Variants in SRPK2 observed in about 807,000 individuals in gnomAD.
The protein encoded by SRPK2 is SFRS protein kinase 2.
Under a neutral mutation model 90.8 loss-of-function variants are expected in SRPK2, and 21 were observed. The ratio of observed to expected loss-of-function variants is 0.23; its 90% CI spans 0.16 to 0.33. SRPK2 has a LOEUF of 0.33. SRPK2 is among the 10% of genes least tolerant of loss of function. The pLI is 1.00. For missense variants in SRPK2, 620 were observed against 869.0 expected, an observed-to-expected ratio of 0.71 and a Z score of 3.60; for synonymous variants, 288 against 311.1, an observed-to-expected ratio of 0.93 and a Z score of 0.78.
At chr7:105,253,854 G>C (rs188034507) in intron 2 of SRPK2, among the ~76,000 whole-genome samples, 1 of 152,078 alleles carries the variant, frequency 6.6e-6, no homozygotes, top group Admixed American at 6.5e-5. Flanking sequence ...TGGTTGAAAA[G>C]GTAAGGTTAG....
intron 2 of SRPK2, among the ~76,000 whole-genome samples, chr7:105,298,236 T>C (rs1042559150): frequency 1.2e-4 from 19 of 152,208 alleles, no homozygotes; most frequent in African/African-American, 4.1e-4. Context: ...AGAGTCTGTA[T>C]GCTTTTGAGT....
At chr7:105,151,949 A>C (rs954690103) in intron 7 of SRPK2, among the ~76,000 whole-genome samples, 20 of 151,292 alleles carry the variant, frequency 1.3e-4, no homozygotes, top group African/African-American at 4.4e-4. Context: ...ACTTGAACCC[A>C]GAAAGCGGTG....
At chr7:105,171,401 C>A (rs1303441949) in intron 3 of SRPK2, among the ~76,000 whole-genome samples, 1 of 152,098 alleles carries the variant, frequency 6.6e-6, no homozygotes, top group South Asian at 2.1e-4. Flanking sequence ...TATTTTACTA[C>A]TTTTTTACTT....
intron 2 of SRPK2, among the ~76,000 whole-genome samples, chr7:105,342,064 G>A (rs1815872098): frequency 6.6e-6 from 1 of 152,048 alleles, no homozygotes; most frequent in South Asian, 2.1e-4. Flanking sequence ...GGGAGATCGA[G>A]ACCATCCTAG....
chr7:105,363,581 G>T (rs1292545652), intron 2 of SRPK2, among the ~76,000 whole-genome samples: 2 of 152,196 alleles, frequency 1.3e-5, no homozygotes, highest in Non-Finnish European at 2.9e-5. Flanking sequence ...CGGTTGGTGG[G>T]AGTGTAAATT....
intron 7 of SRPK2, among the ~76,000 whole-genome samples, chr7:105,158,302 T>G (rs1478880505): frequency 6.6e-6 from 1 of 151,970 alleles, no homozygotes; most frequent in Non-Finnish European, 1.5e-5. Context: ...TTGCCCAGGC[T>G]GGAGTGCAGT....
chr7:105,300,050 C>T (rs1049902004), intron 2 of SRPK2, among the ~76,000 whole-genome samples: 1 of 151,606 alleles, frequency 6.6e-6, no homozygotes, highest in East Asian at 1.9e-4. Flanking sequence ...TTCAAATGTA[C>T]AAATTAATTT....
At chr7:105,296,882 T>C (rs923877857) in intron 2 of SRPK2, among the ~76,000 whole-genome samples, 1 of 152,152 alleles carries the variant, frequency 6.6e-6, no homozygotes. Flanking sequence ...AGAGGTTAAA[T>C]AGCTTGGCCC....
At chr7:105,208,987 A>G (rs1796537152) in intron 2 of SRPK2, among the ~76,000 whole-genome samples, 1 of 151,936 alleles carries the variant, frequency 6.6e-6, no homozygotes, top group Non-Finnish European at 1.5e-5. Flanking sequence ...TTAAAAAAAT[A>G]AAAGAAAACC....
intron 15 of SRPK2, among the ~76,000 whole-genome samples, chr7:105,120,410 A>C (rs1800165607): frequency 6.6e-6 from 1 of 152,246 alleles, no homozygotes; most frequent in South Asian, 2.1e-4. Flanking sequence ...ACAGCTGCAT[A>C]GTAACAGTGA....
At chr7:105,238,679 C>T (rs1451717910) in intron 2 of SRPK2, among the ~76,000 whole-genome samples, 2 of 152,064 alleles carry the variant, frequency 1.3e-5, no homozygotes, top group African/African-American at 4.8e-5. Flanking sequence ...AACCCAGAAG[C>T]CTGAATGACA....
intron 13 of SRPK2, among the ~76,000 whole-genome samples, chr7:105,131,933 A>G (rs983669791): frequency 1.3e-5 from 2 of 152,210 alleles, no homozygotes; most frequent in African/African-American, 4.8e-5. Flanking sequence ...AAGCTGCTGA[A>G]TGGGCCAGGA....
chr7:105,115,821 C>T (rs188605711), downstream of SRPK2, among the ~76,000 whole-genome samples: 1 of 152,062 alleles, frequency 6.6e-6, no homozygotes, highest in Non-Finnish European at 1.5e-5. Context: ...TGATAAAAAT[C>T]CTTTTACACT....
At chr7:105,214,503 A>G (rs1179840403) in intron 2 of SRPK2, among the ~76,000 whole-genome samples, 2 of 152,218 alleles carry the variant, frequency 1.3e-5, no homozygotes, top group Admixed American at 1.3e-4. Flanking sequence ...AAACAGCAAT[A>G]TATTGGGATC....
rs1352082742 is a variant in SRPK2 at position 105,133,081 on chromosome 7, A to C, written c.1567T>G (p.Leu523Val). Residue 523 changes from leucine to valine, a missense_variant, in exon 12 of 16, where the codon TTG becomes GTG. This residue lies in a region of SRPK2 where 20 missense variants were observed against 54.3 expected (regional missense o/e 0.37). Coordinates refer to ENST00000393651, the MANE Select transcript of SRPK2 (RefSeq NM_182692.3). ...PKAKTRAADLLVNPLDPRNAD... is the reference protein window; with the variant it reads ...PKAKTRAADLVVNPLDPRNAD... ...TTCCGCGGATCCAGGGGATTCACCA[A>C]CAAGTCAGCTGCCCGGGTTTTTGCT... 1 of 1,614,072 alleles carries C rather than the reference A, an allele frequency of 6.2e-7. No individual in the cohort carries two copies. The highest frequency in any genetic ancestry group is 8.5e-7 in the Non-Finnish European group (1 of 1,180,026).
intron 3 of SRPK2, among the ~76,000 whole-genome samples, chr7:105,196,205 G>A (rs1243790401): frequency 1.3e-5 from 2 of 152,204 alleles, no homozygotes; most frequent in Non-Finnish European, 2.9e-5. Context: ...CACATAGATA[G>A]GCAGGGTTTC....
chr7:105,239,522 A>G (rs1023203088), intron 2 of SRPK2, among the ~76,000 whole-genome samples: 1 of 152,234 alleles, frequency 6.6e-6, no homozygotes, highest in African/African-American at 2.4e-5. Flanking sequence ...CTCCTCCTGT[A>G]AGTGGGTCAG....
intron 2 of SRPK2, among the ~76,000 whole-genome samples, chr7:105,274,229 CA>C (rs932166708): frequency 1.5e-4 from 23 of 150,982 alleles, no homozygotes; most frequent in African/African-American, 5.3e-4. Context: ...CTCAAGCCTC[CA>C]AAAAAAAATT....
At chr7:105,282,692 G>A (rs886315527) in intron 2 of SRPK2, among the ~76,000 whole-genome samples, 2 of 152,100 alleles carry the variant, frequency 1.3e-5, no homozygotes, top group African/African-American at 4.8e-5. Flanking sequence ...GGGGGACTGA[G>A]GCATGAGAAT....
Sources: gnomAD v4.1 joint callset for allele counts (sites outside exome capture counted in the v4.1 genomes callset) on GRCh38, gnomAD v4.1.1 for gene constraint, gnomAD v4.1.1 regional missense constraint, MANE v1.5 for transcripts, NCBI Gene and HGNC (gene_info 2026-07-23, HGNC 2026-07-21) for gene names.